The following NALF1 variants were observed in gnomAD, a reference collection of about 807,000 sequenced individuals.
NALF1 encodes NALCN channel auxiliary factor 1, also known as family with sequence similarity 155 member A.
Under a neutral mutation model 48.4 loss-of-function variants are expected in NALF1, and 3 were observed. That is an observed-to-expected ratio of 0.06 (90% CI 0.03 to 0.16). The LOEUF (loss-of-function observed/expected upper bound fraction) is 0.16. Ranked by LOEUF, NALF1 falls within the 10% of genes least tolerant of loss-of-function variation. The pLI is 1.00. For missense variants in NALF1, 526 were observed against 571.5 expected, an observed-to-expected ratio of 0.92 and a Z score of 0.81; for synonymous variants, 262 against 245.7, an observed-to-expected ratio of 1.07 and a Z score of -0.62.
At chr13:107,360,795 A>G (rs948133867) in intron 1 of NALF1, among the ~76,000 whole-genome samples, 2 of 152,180 alleles carry the variant, frequency 1.3e-5, no homozygotes, top group African/African-American at 4.8e-5. Flanking sequence ...AACAATTGTA[A>G]TAGGCTGGTT....
intron 1 of NALF1, among the ~76,000 whole-genome samples, chr13:107,459,014 TACA>T (rs1346906222): frequency 6.6e-6 from 1 of 150,772 alleles, no homozygotes. Context: ...GCTTTTTACA[TACA>T]ACACCAAAAA....
chr13:107,805,118 C>T (rs1484939890), intron 1 of NALF1, among the ~76,000 whole-genome samples: 1 of 152,126 alleles, frequency 6.6e-6, no homozygotes, highest in Non-Finnish European at 1.5e-5. Context: ...CAACTAAAAA[C>T]AGTAATTGAA....
chr13:107,255,075 T>C (rs1003905066), intron 1 of NALF1, among the ~76,000 whole-genome samples: 3 of 152,100 alleles, frequency 2.0e-5, no homozygotes, highest in Non-Finnish European at 4.4e-5. Context: ...TCCTACCCCA[T>C]AGAAAAAAGG....
intron 1 of NALF1, among the ~76,000 whole-genome samples, chr13:107,787,396 A>G (rs1027219678): frequency 1.3e-5 from 2 of 152,254 alleles, no homozygotes; most frequent in Admixed American, 6.5e-5. Flanking sequence ...TACAAACTTT[A>G]TTAGAAGCTC....
intron 1 of NALF1, among the ~76,000 whole-genome samples, chr13:107,334,595 T>C (rs2138927329): frequency 6.6e-6 from 1 of 152,342 alleles, no homozygotes; most frequent in South Asian, 2.1e-4. Context: ...AAAGATTGTA[T>C]TTAGAATTTA....
At chr13:107,704,444 T>C (rs2138513973) in intron 1 of NALF1, among the ~76,000 whole-genome samples, 1 of 152,288 alleles carries the variant, frequency 6.6e-6, no homozygotes, top group African/African-American at 2.4e-5. Flanking sequence ...TTGAAAAATT[T>C]CCTCAAATTT....
At chr13:107,209,565 T>C (rs980518887) in intron 2 of NALF1, among the ~76,000 whole-genome samples, 2 of 152,078 alleles carry the variant, frequency 1.3e-5, no homozygotes, top group Non-Finnish European at 2.9e-5. Flanking sequence ...TATCTCTTGA[T>C]AGCTTATCAC....
intron 2 of NALF1, among the ~76,000 whole-genome samples, chr13:107,173,341 T>C (rs372963945): frequency 1.3e-5 from 2 of 152,332 alleles, no homozygotes. Flanking sequence ...TGCTGTTCCA[T>C]TTACAGTATA....
intron 1 of NALF1, among the ~76,000 whole-genome samples, chr13:107,273,713 C>T (rs1258878043): frequency 2.0e-5 from 3 of 152,220 alleles, no homozygotes; most frequent in African/African-American, 7.2e-5. Context: ...CTAGACACTA[C>T]ACATACTGTT....
intron 1 of NALF1, among the ~76,000 whole-genome samples, chr13:107,347,270 T>C (rs1022003210): frequency 2.0e-5 from 3 of 152,232 alleles, no homozygotes; most frequent in African/African-American, 7.2e-5. Context: ...CATCACTCTG[T>C]GCTAGACATC....
intron 1 of NALF1, among the ~76,000 whole-genome samples, chr13:107,786,123 A>G (rs892046711): frequency 2.6e-5 from 4 of 152,126 alleles, no homozygotes; most frequent in African/African-American, 9.7e-5. Flanking sequence ...GAAGGAACTC[A>G]AGAGAATTAA....
chr13:107,452,104 CCCT>C (rs55808220), intron 1 of NALF1, among the ~76,000 whole-genome samples: 97,577 of 151,594 alleles, frequency 0.64, 32,283 homozygotes, highest in Middle Eastern at 0.77. Flanking sequence ...CTCCTCTGCT[CCCT>C]CCTCCTTCCA....
At chr13:107,810,100 C>T (rs1311174439) in intron 1 of NALF1, among the ~76,000 whole-genome samples, 1 of 152,058 alleles carries the variant, frequency 6.6e-6, no homozygotes, top group African/African-American at 2.4e-5. Flanking sequence ...ACATTTTCTA[C>T]TTCCTTACCA....
At chr13:107,419,579 C>T (rs920502546) in intron 1 of NALF1, among the ~76,000 whole-genome samples, 1 of 152,128 alleles carries the variant, frequency 6.6e-6, no homozygotes, top group African/African-American at 2.4e-5. Context: ...GTGGAAGTCC[C>T]CATTGGGAGA....
intron 1 of NALF1, among the ~76,000 whole-genome samples, chr13:107,522,225 G>A (rs907927045): frequency 8.6e-5 from 13 of 151,996 alleles, no homozygotes; most frequent in Admixed American, 6.6e-5. Flanking sequence ...TAATGCTATT[G>A]GATATTTTTC....
At chr13:107,351,192 G>C (rs1024066453) in intron 1 of NALF1, among the ~76,000 whole-genome samples, 1 of 152,150 alleles carries the variant, frequency 6.6e-6, no homozygotes, top group East Asian at 1.9e-4. Context: ...TCTGATTAAC[G>C]ATACTGTACT....
chr13:107,775,307 T>C (rs990023057), intron 1 of NALF1, among the ~76,000 whole-genome samples: 1 of 148,334 alleles, frequency 6.7e-6, no homozygotes, highest in Admixed American at 6.8e-5. Context: ...TATGCGGTGT[T>C]TGGTTTTTTG....
At chr13:107,854,009 T>C (rs1039740044) in intron 1 of NALF1, among the ~76,000 whole-genome samples, 1 of 152,236 alleles carries the variant, frequency 6.6e-6, no homozygotes, top group Admixed American at 6.5e-5. Flanking sequence ...AAATCCAATT[T>C]AGTTGACAGC....
chr13:107,360,260 G>A (rs1001103467), intron 1 of NALF1, among the ~76,000 whole-genome samples: 1 of 152,150 alleles, frequency 6.6e-6, no homozygotes, highest in Non-Finnish European at 1.5e-5. Context: ...TAGCAAATTA[G>A]AGCCTAAACT....
Sources: gnomAD v4.1 joint callset for allele counts (sites outside exome capture counted in the v4.1 genomes callset) on GRCh38, gnomAD v4.1.1 for gene constraint, MANE v1.5 for transcripts, NCBI Gene and HGNC (gene_info 2026-07-23, HGNC 2026-07-21) for gene names.